The following RNPEP variants were observed in gnomAD, a reference collection of about 807,000 sequenced individuals.
RNPEP encodes the protein arginyl aminopeptidase, also known as aminopeptidase B.
A neutral mutation model predicts 70.1 loss-of-function variants in RNPEP; 57 were observed. That is an observed-to-expected ratio of 0.81 (90% CI 0.66 to 1.01). RNPEP has a LOEUF of 1.01. Among genes scored for constraint, RNPEP ranks in the 50% least tolerant of loss-of-function variants. The probability of loss-of-function intolerance (pLI) is 0.00; values close to 1 mark genes in which losing one functional copy is unlikely to be tolerated. For synonymous variants in RNPEP, 335 were observed against 357.4 expected (o/e 0.94, Z 0.71); for missense variants, 787 against 852.4 (o/e 0.92, Z 0.96).
In RNPEP at chr1:201,988,992, TC is replaced by T. The variant is rs774480138; in HGVS notation, c.539del (p.Pro180LeufsTer25). 1.2e-6 allele frequency: 2 copies of T among 1,614,122 alleles called. No homozygotes were observed. The highest frequency in any genetic ancestry group is 2.2e-5 in the South Asian group (2 of 91,066). ...CAGGCTGTCCTAAACCGGGCCTTCT[TC>T]CCTTGCTTCGACACGCCTGCTGTTA... ...QGQAVLNRAF[F>X]PCFDTPAVKY... On this transcript the variant is annotated frameshift_variant, in exon 2 of 11. Transcript: ENST00000295640. LOFTEE classifies it high-confidence loss of function.
chr1:201,991,965 CT>C (rs1347070121), intron 3 of RNPEP, among the ~76,000 whole-genome samples: 2 of 152,114 alleles, frequency 1.3e-5, no homozygotes, highest in African/African-American at 4.8e-5. Context: ...TCTTTGGCGA[CT>C]TTTCTCTCCT....
chr1:202,005,538 T>C lies in RNPEP; in HGVS notation c.1795-20T>C, dbSNP rs202092145. 3.7e-5 allele frequency: 60 copies of C among 1,613,166 alleles called. No homozygotes were observed. The East Asian group carries it at 1.2e-3, about 31-fold the overall frequency. ...CCACCAGGCAAGCTTCTTAGGCATG[T>C]GTATGTGTGTTTCTTGCAGGGGAAG... is the stretch of plus-strand genomic sequence containing the variant. On this transcript the variant is annotated intron_variant, in intron 10 of 10. Transcript: ENST00000295640.
At chr1:201,983,148 G>T in intron 1 of RNPEP, 35 bp downstream of exon 1, 1 of 1,436,358 alleles carries the variant, frequency 7.0e-7, no homozygotes, top group Non-Finnish European at 9.0e-7. Flanking sequence ...GCCGCTGCCT[G>T]CCTGCCCTTC....
At chr1:202,001,908 A>G in intron 8 of RNPEP, 141 bp downstream of exon 8, 1 of 626,978 alleles carries the variant, frequency 1.6e-6, no homozygotes, top group South Asian at 1.9e-5. Flanking sequence ...CAAACCCAGA[A>G]TCCTGGGATT....
At chr1:201,997,184 A>G in intron 4 of RNPEP, 135 bp from the exon 5 acceptor site, 1 of 692,480 alleles carries the variant, frequency 1.4e-6, no homozygotes, top group South Asian at 1.7e-5. Flanking sequence ...TATTTTCCGC[A>G]CTGGGCCCGA....
intron 4 of RNPEP, among the ~76,000 whole-genome samples, chr1:201,997,110 C>T (rs4950756): frequency 0.35 from 53,331 of 151,858 alleles, 10,563 homozygotes; most frequent in Non-Finnish European, 0.44. Flanking sequence ...GACACCACCT[C>T]GATGAGGGAA....
rs962336182 is a variant in RNPEP at position 202,001,853 on chromosome 1, G to A, written c.1426+86G>A. The A allele has an allele frequency of 1.8e-5, 17 of 924,504 alleles. No individual in the cohort carries two copies. In the African/African-American group the frequency reaches 2.5e-4, roughly 14 times the overall value. The allele number at this position is 924,504 out of a possible 1,614,324, so 57.3% of individuals were successfully genotyped here. On this transcript the variant is annotated intron_variant, in intron 8 of 10. Transcript: ENST00000295640. ...CACTCGGAAAGATGGTGGTGGATGG[G>A]AAAACACTGGGTCAGAGTCAGCTAG...
intron 1 of RNPEP, among the ~76,000 whole-genome samples, chr1:201,985,514 C>A (rs911223198): frequency 6.6e-6 from 1 of 152,156 alleles, no homozygotes; most frequent in African/African-American, 2.4e-5. Flanking sequence ...GCTTTGGCAT[C>A]CCAAAGTGCT....
chr1:201,986,258 T>C (rs1683127889), intron 1 of RNPEP, among the ~76,000 whole-genome samples: 1 of 151,938 alleles, frequency 6.6e-6, no homozygotes, highest in South Asian at 2.1e-4. Flanking sequence ...TTTTTATTTT[T>C]TTATTTTTAT....
At chr1:202,000,656 C>T (rs1256928334) in intron 6 of RNPEP, among the ~76,000 whole-genome samples, 1 of 151,910 alleles carries the variant, frequency 6.6e-6, no homozygotes, top group Non-Finnish European at 1.5e-5. Context: ...GCCTGTAATC[C>T]CAGGTCAAAG....
intron 3 of RNPEP, among the ~76,000 whole-genome samples, chr1:201,993,554 A>C (rs1337677901): frequency 6.7e-6 from 1 of 150,060 alleles, no homozygotes; most frequent in Non-Finnish European, 1.5e-5. Flanking sequence ...CCGAGATTGC[A>C]CTACTGCACT....
At chr1:202,003,953 G>A (rs1683944231) in intron 9 of RNPEP, among the ~76,000 whole-genome samples, 1 of 152,114 alleles carries the variant, frequency 6.6e-6, no homozygotes, top group Admixed American at 6.5e-5. Context: ...TATTCACCAA[G>A]GGGTTAAAAA....
Position 202,005,910 on chromosome 1 carries a change from C to A in RNPEP, c.*194C>A. On this transcript the variant is annotated 3_prime_UTR_variant, in exon 11 of 11. Coordinates refer to ENST00000295640, the MANE Select transcript of RNPEP (RefSeq NM_020216.4). ...ACTTACTTCTCTATAGCCCACTGAGCCCCGAGACAGAGAACCTGCCCACAG... is the reference window on the plus strand; with the variant it reads ...ACTTACTTCTCTATAGCCCACTGAGACCCGAGACAGAGAACCTGCCCACAG... The A allele has an allele frequency of 3.1e-6, 2 of 642,646 alleles. No homozygotes were observed. Among genetic ancestry groups the A allele is most frequent in the Non-Finnish European group, 2.6e-6 (1 of 384,396 alleles). 39.8% of individuals were successfully genotyped at this position (642,646 alleles called of 1,614,324 possible).
At chr1:202,003,519 G>C in intron 9 of RNPEP, 58 bp downstream of exon 9, 1 of 1,264,080 alleles carries the variant, frequency 7.9e-7, no homozygotes, top group Non-Finnish European at 1.1e-6. Context: ...TCAGGGGCTA[G>C]AGGGAGGCTC....
intron 1 of RNPEP, among the ~76,000 whole-genome samples, chr1:201,984,541 CAA>C (rs897159563): frequency 3.3e-5 from 5 of 152,022 alleles, no homozygotes; most frequent in African/African-American, 1.2e-4. Context: ...TTTGGGGGCC[CAA>C]GAGATTTTCC....
chr1:202,000,804 G>A (rs187441048), intron 6 of RNPEP, among the ~76,000 whole-genome samples: 1 of 151,506 alleles, frequency 6.6e-6, no homozygotes, highest in Admixed American at 6.6e-5. Context: ...TGAGGCAGGA[G>A]AATCGCTCGA....
intron 3 of RNPEP, among the ~76,000 whole-genome samples, chr1:201,992,460 T>TAA (rs1683375623): frequency 6.6e-6 from 1 of 152,194 alleles, no homozygotes; most frequent in Non-Finnish European, 1.5e-5. Context: ...TCTGAACTTT[T>TAA]AAGGCCCTTG....
rs1412071770 is a variant in RNPEP at position 201,989,509 on chromosome 1, G to C, written c.715G>C (p.Val239Leu). 6.2e-7 allele frequency: 1 copy of C among 1,614,186 alleles called. No homozygotes were observed. Among genetic ancestry groups the C allele is most frequent in the East Asian group, 2.2e-5 (1 of 44,878 alleles). Residue 239 changes from valine (V) to leucine (L), a missense_variant, in exon 3 of 11, where the codon GTT becomes CTT. Physicochemically the swap from Val to Leu is conservative, Grantham distance 32. Transcript: ENST00000295640. ...GATAGCTTTGGCCATCGGAGATCTG[G>C]TTTCGGCTGAAGTTGGACCCAGGTA... The part of the protein sequence containing the change: ...YLIALAIGDL[V>L]SAEVGPRSRV...
intron 3 of RNPEP, among the ~76,000 whole-genome samples, chr1:201,994,394 C>T (rs1683464706): frequency 6.6e-6 from 1 of 152,124 alleles, no homozygotes; most frequent in African/African-American, 2.4e-5. Flanking sequence ...CTCTTCATGA[C>T]CCGACCCTCT....
Sources: gnomAD v4.1 joint callset for allele counts (sites outside exome capture counted in the v4.1 genomes callset) on GRCh38, gnomAD v4.1.1 for gene constraint, MANE v1.5 for transcripts, NCBI Gene and HGNC (gene_info 2026-07-23, HGNC 2026-07-21) for gene names.